TBC1D5: variants seen among roughly 807,000 people sequenced by gnomAD.
TBC1D5 encodes TBC1 domain family member 5, also known as TBC1 domain family, member 5.
TBC1D5 carries 75 observed loss-of-function variants against 100.3 expected under a neutral mutation model. That is an observed-to-expected ratio of 0.75 (90% CI 0.62 to 0.91). The LOEUF (loss-of-function observed/expected upper bound fraction) is 0.91. Among genes scored for constraint, TBC1D5 ranks in the 40% least tolerant of loss-of-function variants. TBC1D5 has a pLI of 0.00. For synonymous variants in TBC1D5, 323 were observed against 325.6 expected, an observed-to-expected ratio of 0.99 and a Z score of 0.09; for missense variants, 910 against 942.4, an observed-to-expected ratio of 0.97 and a Z score of 0.45.
At chr3:17,283,903 TC>T (rs2080872840) in intron 15 of TBC1D5, among the ~76,000 whole-genome samples, 1 of 152,126 alleles carries the variant, frequency 6.6e-6, no homozygotes. Flanking sequence ...TAAGCTCTTT[TC>T]TGCTTTCGAG....
At chr3:17,205,098 G>A (rs904221273) in intron 18 of TBC1D5, among the ~76,000 whole-genome samples, 1 of 152,154 alleles carries the variant, frequency 6.6e-6, no homozygotes, top group Non-Finnish European at 1.5e-5. Context: ...GACTTAAACT[G>A]CTGATGTTTA....
chr3:17,503,198 A>G (rs1231811604), intron 3 of TBC1D5, among the ~76,000 whole-genome samples: 2 of 149,574 alleles, frequency 1.3e-5, no homozygotes, highest in Non-Finnish European at 2.9e-5. Flanking sequence ...CTTAAATCAC[A>G]CTGAAATTCT....
At chr3:17,481,369 G>A (rs1015764706) in intron 3 of TBC1D5, among the ~76,000 whole-genome samples, 1 of 152,194 alleles carries the variant, frequency 6.6e-6, no homozygotes, top group African/African-American at 2.4e-5. Context: ...AAGCCAAGTG[G>A]ATGGAACAAG....
intron 17 of TBC1D5, among the ~76,000 whole-genome samples, chr3:17,234,243 A>G (rs937145725): frequency 8.5e-5 from 13 of 152,150 alleles, no homozygotes; most frequent in African/African-American, 3.1e-4. Flanking sequence ...AAGTAATGAA[A>G]AGATTTAAGT....
At chr3:17,171,760 CA>C (rs1408180647) in intron 19 of TBC1D5, among the ~76,000 whole-genome samples, 2 of 152,130 alleles carry the variant, frequency 1.3e-5, no homozygotes, top group Non-Finnish European at 2.9e-5. Flanking sequence ...CCAGGTGTCT[CA>C]CCATAAGTTT....
chr3:17,342,286 T>C (rs573947266), intron 13 of TBC1D5, among the ~76,000 whole-genome samples: 1 of 152,342 alleles, frequency 6.6e-6, no homozygotes, highest in Admixed American at 6.5e-5. Flanking sequence ...TTTGGAGAAC[T>C]TTTTCAAAAC....
At chr3:17,464,212 G>A (rs1372285901) in intron 3 of TBC1D5, among the ~76,000 whole-genome samples, 5 of 151,798 alleles carry the variant, frequency 3.3e-5, no homozygotes, top group Admixed American at 2.0e-4. Flanking sequence ...TTCCCGTCTC[G>A]GCCTCCCAAA....
intron 13 of TBC1D5, among the ~76,000 whole-genome samples, chr3:17,323,707 T>A (rs962054811): frequency 1.3e-5 from 2 of 152,152 alleles, no homozygotes; most frequent in South Asian, 2.1e-4. Flanking sequence ...AGTTACACCA[T>A]GTTTATTGAC....
At chr3:17,240,414 G>A (rs767574947) in intron 16 of TBC1D5, among the ~76,000 whole-genome samples, 5 of 152,028 alleles carry the variant, frequency 3.3e-5, no homozygotes, top group African/African-American at 4.8e-5. Context: ...TAAAAATAAC[G>A]TTTCCTACTG....
At chr3:17,468,378 T>C (rs1182831034) in intron 3 of TBC1D5, among the ~76,000 whole-genome samples, 1 of 152,154 alleles carries the variant, frequency 6.6e-6, no homozygotes, top group East Asian at 1.9e-4. Flanking sequence ...CCTTAAATAT[T>C]AGCTCAATTT....
intron 18 of TBC1D5, among the ~76,000 whole-genome samples, chr3:17,185,495 T>C (rs1559370501): frequency 6.6e-6 from 1 of 152,336 alleles, no homozygotes; most frequent in South Asian, 2.1e-4. Flanking sequence ...TGCAAATATT[T>C]GCATATACAA....
intron 1 of TBC1D5, among the ~76,000 whole-genome samples, chr3:17,670,359 C>T (rs1470811079): frequency 6.6e-6 from 1 of 152,078 alleles, no homozygotes; most frequent in Non-Finnish European, 1.5e-5. Context: ...ATATGGTGTC[C>T]GTAATTTATT....
intron 3 of TBC1D5, among the ~76,000 whole-genome samples, chr3:17,467,895 C>T (rs1047120746): frequency 2.0e-5 from 3 of 152,084 alleles, no homozygotes; most frequent in Admixed American, 1.3e-4. Flanking sequence ...TCCCTAGTTA[C>T]CATGACAACT....
intron 1 of TBC1D5, among the ~76,000 whole-genome samples, chr3:17,649,661 G>A (rs1300011176): frequency 6.6e-6 from 1 of 152,130 alleles, no homozygotes. Context: ...TGGAGAGGAT[G>A]TGGAGAAATA....
At chr3:17,716,762 C>A (rs1253467651) in intron 1 of TBC1D5, among the ~76,000 whole-genome samples, 1 of 152,102 alleles carries the variant, frequency 6.6e-6, no homozygotes, top group African/African-American at 2.4e-5. Context: ...AATTCACTCA[C>A]TGCCATAGAA....
At chr3:17,666,682 T>G (rs1231739525) in intron 1 of TBC1D5, among the ~76,000 whole-genome samples, 1 of 152,164 alleles carries the variant, frequency 6.6e-6, no homozygotes, top group Non-Finnish European at 1.5e-5. Context: ...TAAACTTCAG[T>G]GATTTCTTAG....
intron 2 of TBC1D5, among the ~76,000 whole-genome samples, chr3:17,543,535 G>A (rs965439784): frequency 6.6e-6 from 1 of 152,160 alleles, no homozygotes; most frequent in Non-Finnish European, 1.5e-5. Flanking sequence ...CTACTTGGGA[G>A]ACAAAGGTGG....
intron 13 of TBC1D5, among the ~76,000 whole-genome samples, chr3:17,363,711 G>T (rs566976945): frequency 1.0e-3 from 155 of 151,508 alleles, no homozygotes; most frequent in African/African-American, 3.6e-3. Flanking sequence ...CCTAATTTCT[G>T]TTTCTTTAAA....
intron 1 of TBC1D5, among the ~76,000 whole-genome samples, chr3:17,703,324 T>C (rs1440731512): frequency 2.0e-5 from 3 of 152,066 alleles, no homozygotes; most frequent in African/African-American, 7.2e-5. Context: ...AATCCCTACA[T>C]ATATAGATAC....
Sources: gnomAD v4.1 joint callset for allele counts (sites outside exome capture counted in the v4.1 genomes callset) on GRCh38, gnomAD v4.1.1 for gene constraint, MANE v1.5 for transcripts, NCBI Gene and HGNC (gene_info 2026-07-23, HGNC 2026-07-21) for gene names.